Variants in CAMK1D observed in about 807,000 individuals in gnomAD.
The protein encoded by CAMK1D is calcium/calmodulin-dependent protein kinase type 1D.
Under a neutral mutation model 47.7 loss-of-function variants are expected in CAMK1D, and 9 were observed. The observed-to-expected ratio is 0.19, with a 90% confidence interval of 0.11 to 0.33. The LOEUF is 0.33. Ranked by LOEUF, CAMK1D falls within the 10% of genes least tolerant of loss-of-function variation. CAMK1D has a pLI of 1.00. For synonymous variants in CAMK1D, 184 were observed against 184.9 expected (o/e 0.99, Z 0.04); for missense variants, 291 against 488.7 (o/e 0.60, Z 3.81).
At chr10:12,389,221 C>G (rs775321636) in intron 1 of CAMK1D, among the ~76,000 whole-genome samples, 1 of 152,102 alleles carries the variant, frequency 6.6e-6, no homozygotes, top group Non-Finnish European at 1.5e-5. Context: ...TGCTTAAACT[C>G]CCTGCAGAGG....
At position 12,598,903 on chromosome 10, in the gene CAMK1D, A is replaced by G. The variant is rs1040905990; in HGVS notation, c.224+45547A>G. On this transcript the variant is annotated intron_variant, in intron 2 of 10. Coordinates refer to ENST00000619168, the MANE Select transcript of CAMK1D (RefSeq NM_153498.4). ...AGACCAAAATATCTCGATGTGTGTG[A>G]TGTGATGTAATCTCTGCATTTGGGG... 4.6e-5 allele frequency among the ~76,000 whole-genome samples: 7 copies of G among 152,332 alleles called. 1 individual carries two copies. The highest frequency in any genetic ancestry group is 6.8e-3 in the Middle Eastern group (2 of 294).
At chr10:12,691,419 A>T (rs866401260) in intron 3 of CAMK1D, among the ~76,000 whole-genome samples, 182 of 2,678 alleles carry the variant, frequency 0.068, 14 homozygotes, top group South Asian at 0.24. Context: ...ATATATATAT[A>T]TATTTTTTTT....
intron 4 of CAMK1D, among the ~76,000 whole-genome samples, chr10:12,766,364 T>TC (rs1343391324): frequency 5.6e-5 from 8 of 141,934 alleles, no homozygotes; most frequent in South Asian, 4.5e-4. Flanking sequence ...CCTGTTTCTT[T>TC]TTTTTTTTTT....
chr10:12,753,329 T>A (rs1007065505), intron 3 of CAMK1D, among the ~76,000 whole-genome samples: 6 of 152,176 alleles, frequency 3.9e-5, no homozygotes, highest in East Asian at 3.9e-4. Context: ...GAACATCTGT[T>A]AGTGCAAAGC....
At chr10:12,512,917 A>G (rs1835083568) in intron 1 of CAMK1D, among the ~76,000 whole-genome samples, 1 of 152,120 alleles carries the variant, frequency 6.6e-6, no homozygotes, top group Non-Finnish European at 1.5e-5. Context: ...GAGCGAGCAT[A>G]CTTTGTTTGA....
intron 2 of CAMK1D, among the ~76,000 whole-genome samples, chr10:12,621,888 C>A (rs913626313): frequency 7.9e-5 from 12 of 152,056 alleles, no homozygotes; most frequent in African/African-American, 2.9e-4. Flanking sequence ...ATGGCTTTTG[C>A]TGACACTGCT....
At chr10:12,405,291 G>C (rs957088243) in intron 1 of CAMK1D, among the ~76,000 whole-genome samples, 1 of 152,152 alleles carries the variant, frequency 6.6e-6, no homozygotes, top group Admixed American at 6.5e-5. Flanking sequence ...CATGCCCATG[G>C]TCAGAGATGT....
At chr10:12,514,012 T>C (rs1314584169) in intron 1 of CAMK1D, among the ~76,000 whole-genome samples, 1 of 152,204 alleles carries the variant, frequency 6.6e-6, no homozygotes, top group Non-Finnish European at 1.5e-5. Context: ...ACCACTAGGA[T>C]TATGAATGAT....
At chr10:12,806,911 C>T (rs1246491431) in intron 6 of CAMK1D, among the ~76,000 whole-genome samples, 1 of 152,206 alleles carries the variant, frequency 6.6e-6, no homozygotes, top group African/African-American at 2.4e-5. Context: ...GCTAGATCAA[C>T]ACCTGTCTCT....
chr10:12,679,065 A>C (rs1374698738), intron 3 of CAMK1D, among the ~76,000 whole-genome samples: 1 of 152,094 alleles, frequency 6.6e-6, no homozygotes, highest in East Asian at 1.9e-4. Flanking sequence ...CCGGTCCAAT[A>C]ATTTTTGACT....
At chr10:12,604,181 ATC>A (rs1838384403) in intron 2 of CAMK1D, among the ~76,000 whole-genome samples, 1 of 152,262 alleles carries the variant, frequency 6.6e-6, no homozygotes. Context: ...GTTCTTATGT[ATC>A]TCTGTAATTC....
At chr10:12,631,010 C>T (rs1379070061) in intron 2 of CAMK1D, among the ~76,000 whole-genome samples, 2 of 152,208 alleles carry the variant, frequency 1.3e-5, no homozygotes, top group Non-Finnish European at 1.5e-5. Flanking sequence ...GAAGCTGTCT[C>T]AAGGGTGCAG....
At chr10:12,511,689 G>A (rs1259046578) in intron 1 of CAMK1D, among the ~76,000 whole-genome samples, 1 of 152,218 alleles carries the variant, frequency 6.6e-6, no homozygotes, top group Non-Finnish European at 1.5e-5. Context: ...TTTGGGTGAT[G>A]CCCAGACATT....
At chr10:12,766,821 G>C (rs1227977313) in intron 4 of CAMK1D, among the ~76,000 whole-genome samples, 1 of 152,174 alleles carries the variant, frequency 6.6e-6, no homozygotes, top group Non-Finnish European at 1.5e-5. Flanking sequence ...TAGCAGACCG[G>C]CTAAGACAGG....
chr10:12,769,495 A>G (rs1299191712), intron 4 of CAMK1D, among the ~76,000 whole-genome samples, 178 bp from the exon 5 acceptor site: 1 of 152,208 alleles, frequency 6.6e-6, no homozygotes, highest in African/African-American at 2.4e-5. Flanking sequence ...TGCCAGACAC[A>G]CTGTGCCGGG....
At chr10:12,395,065 ATTTTTTTTTTTT>A (rs5783265) in intron 1 of CAMK1D, among the ~76,000 whole-genome samples, 1 of 94,726 alleles carries the variant, frequency 1.1e-5, no homozygotes, top group African/African-American at 4.3e-5. Context: ...TAAAATTTTA[ATTTTTTTTTTTT>A]TTTTTTTTTG....
intron 2 of CAMK1D, among the ~76,000 whole-genome samples, chr10:12,648,273 A>T (rs1839865524): frequency 6.6e-6 from 1 of 152,116 alleles, no homozygotes; most frequent in South Asian, 2.1e-4. Flanking sequence ...AGATTTACCT[A>T]ATCATTAGAG....
chr10:12,591,576 T>C (rs1422565947), intron 2 of CAMK1D, among the ~76,000 whole-genome samples: 1 of 152,262 alleles, frequency 6.6e-6, no homozygotes, highest in Non-Finnish European at 1.5e-5. Flanking sequence ...CTCATTTTGG[T>C]GGGCTTCATG....
chr10:12,634,405 C>T (rs1207748731), intron 2 of CAMK1D, among the ~76,000 whole-genome samples: 1 of 152,172 alleles, frequency 6.6e-6, no homozygotes, highest in African/African-American at 2.4e-5. Flanking sequence ...CCTCTGGGCT[C>T]AAGCCATCCT....
Sources: allele counts gnomAD v4.1 joint callset (sites outside exome capture counted in the v4.1 genomes callset), GRCh38; gene constraint gnomAD v4.1.1; transcripts MANE v1.5; gene names NCBI Gene and HGNC (gene_info 2026-07-23, HGNC 2026-07-21).